The following MRPS6 variants were observed in gnomAD, a reference collection of about 807,000 sequenced individuals.
MRPS6 encodes the protein mitochondrial ribosomal protein S6.
In MRPS6, 6 loss-of-function variants were observed where a neutral mutation model predicts 13.1. The ratio of observed to expected loss-of-function variants is 0.46; its 90% confidence interval spans 0.25 to 0.91. The LOEUF is 0.91. MRPS6 is among the 40% of genes least tolerant of loss of function. MRPS6 has a pLI of 0.18. For synonymous variants in MRPS6, 61 were observed against 56.5 expected, an observed-to-expected ratio of 1.08 and a Z score of -0.36; for missense variants, 164 against 155.6, an observed-to-expected ratio of 1.05 and a Z score of -0.29.
intron 2 of MRPS6, among the ~76,000 whole-genome samples, chr21:34,126,761 C>T (rs948690786): frequency 1.3e-5 from 2 of 152,174 alleles, no homozygotes; most frequent in East Asian, 3.8e-4. Context: ...TTTCTCCACT[C>T]ATGTAGTACT....
At chr21:34,134,680 A>T (rs1980624894) in intron 2 of MRPS6, among the ~76,000 whole-genome samples, 1 of 151,946 alleles carries the variant, frequency 6.6e-6, no homozygotes, top group South Asian at 2.1e-4. Flanking sequence ...CCAAGCAACC[A>T]CTGATCTTTT....
At chr21:34,123,619 T>C (rs1414883420) in intron 1 of MRPS6, 1 of 152,088 alleles carries the variant, frequency 6.6e-6, no homozygotes, top group Non-Finnish European at 1.5e-5. Context: ...CAGTAAATCA[T>C]AGCTGTCATC....
intron 2 of MRPS6, among the ~76,000 whole-genome samples, chr21:34,139,026 G>A (rs1372339567): frequency 1.3e-5 from 2 of 151,946 alleles, no homozygotes; most frequent in Non-Finnish European, 2.9e-5. Flanking sequence ...ATGAGTTCAT[G>A]TCCTTTGTAG....
rs150889597 is a variant in MRPS6 at position 34,140,283 on chromosome 21, C to G, written c.186-2125C>G. Among the ~76,000 whole-genome samples, 258 of 151,926 alleles carry G rather than the reference C, an allele frequency of 1.7e-3. 2 individuals are homozygous for G. The highest frequency in any genetic ancestry group is 6.0e-3 in the African/African-American group (249 of 41,434). ...TGAATTTCCTGACAAGTATTGCTTT[C>G]ATGGCATCCCCCAAATTTTGATTTG... On this transcript the variant is annotated intron_variant, in intron 2 of 2. Transcript: ENST00000399312.
intron 2 of MRPS6, among the ~76,000 whole-genome samples, chr21:34,132,860 G>C (rs1010285217): frequency 3.3e-5 from 5 of 152,186 alleles, no homozygotes; most frequent in African/African-American, 1.2e-4. Flanking sequence ...CAAAAGACCT[G>C]CTCTGTTTGA....
chr21:34,142,376 G>A, intron 2 of MRPS6, 32 bp from the exon 3 acceptor site: 1 of 1,542,216 alleles, frequency 6.5e-7, no homozygotes, highest in East Asian at 2.3e-5. Flanking sequence ...CAATTCAAAT[G>A]CAGACACTCA....
At position 34,096,215 on chromosome 21, in the gene MRPS6, G is replaced by A. The variant is rs1978957904; in HGVS notation, c.45+22470G>A. On this transcript the variant is annotated intron_variant, in intron 1 of 2. Coordinates refer to ENST00000399312, the MANE Select transcript of MRPS6 (RefSeq NM_032476.4). This position sits in a 1 kb window ranked among gnomAD's most constrained non-coding sequence, Gnocchi z 5.9. Reference sequence around the variant, plus strand: ...TCAACCCAGAGCACTGCATGCTGGTGTGTGGAAGCAGAGCTGGTTGCTCCA... The same window carrying A: ...TCAACCCAGAGCACTGCATGCTGGTATGTGGAAGCAGAGCTGGTTGCTCCA... 2 of 1,614,054 alleles carry A rather than the reference G, an allele frequency of 1.2e-6. No homozygotes were observed. Among genetic ancestry groups the A allele is most frequent in the Admixed American group, 1.7e-5 (1 of 60,010 alleles).
At chr21:34,114,174 A>G (rs1396687410) in intron 1 of MRPS6, among the ~76,000 whole-genome samples, 2 of 152,160 alleles carry the variant, frequency 1.3e-5, no homozygotes, top group Non-Finnish European at 2.9e-5. Context: ...AGGATCATGG[A>G]CTTTAAAATG....
chr21:34,098,952 A>G (rs769243218), intron 1 of MRPS6: 8 of 987,066 alleles, frequency 8.1e-6, no homozygotes, highest in Non-Finnish European at 9.8e-6. Flanking sequence ...TAGGGAAATT[A>G]CTTTCATAAA....
chr21:34,091,501 G>T (rs1255748999), intron 1 of MRPS6, among the ~76,000 whole-genome samples: 1 of 151,946 alleles, frequency 6.6e-6, no homozygotes, highest in Non-Finnish European at 1.5e-5. Flanking sequence ...ATTACATTTT[G>T]GTTAACATGG....
At chr21:34,078,630 G>T (rs1359573424) in intron 1 of MRPS6, among the ~76,000 whole-genome samples, 1 of 152,104 alleles carries the variant, frequency 6.6e-6, no homozygotes, top group Non-Finnish European at 1.5e-5. Context: ...GAGTTCAAAA[G>T]CAATGACGGG....
At chr21:34,126,144 G>T (rs1038267998) in intron 2 of MRPS6, among the ~76,000 whole-genome samples, 3 of 152,094 alleles carry the variant, frequency 2.0e-5, no homozygotes, top group Non-Finnish European at 4.4e-5. Flanking sequence ...GGTAGGAAAA[G>T]TCCAAGAGTA....
intron 1 of MRPS6, among the ~76,000 whole-genome samples, chr21:34,090,711 ACTTATTC>A (rs1441562222): frequency 6.6e-6 from 1 of 152,168 alleles, no homozygotes; most frequent in African/African-American, 2.4e-5. Flanking sequence ...TTTCTCTGTT[ACTTATTC>A]CTTATAAATC....
At chr21:34,074,195 C>CCCGCCGGCTG (rs1569410610) in intron 1 of MRPS6, among the ~76,000 whole-genome samples, 1 of 150,332 alleles carries the variant, frequency 6.7e-6, no homozygotes, top group Non-Finnish European at 1.5e-5. Context: ...CGCTCCGCCG[C>CCCGCCGGCTG]CCGCCGGCTG....
At chr21:34,111,659 T>C (rs1979704457) in intron 1 of MRPS6, among the ~76,000 whole-genome samples, 1 of 152,148 alleles carries the variant, frequency 6.6e-6, no homozygotes, top group Non-Finnish European at 1.5e-5. Flanking sequence ...GTTTCAGTAA[T>C]TGAGGAGAGA....
intron 1 of MRPS6, chr21:34,123,690 T>G (rs1230031391): frequency 6.6e-6 from 1 of 152,178 alleles, no homozygotes; most frequent in Non-Finnish European, 1.5e-5. Context: ...CCTTTTTGAC[T>G]ACCAACTTGC....
chr21:34,103,591 A>T, intron 1 of MRPS6: 1 of 1,000,242 alleles, frequency 1.0e-6, no homozygotes, highest in Non-Finnish European at 1.2e-6. Context: ...GTGTTCACAC[A>T]TTAGTGTACC....
At chr21:34,111,848 T>G (rs1055695234) in intron 1 of MRPS6, among the ~76,000 whole-genome samples, 6 of 147,992 alleles carry the variant, frequency 4.1e-5, no homozygotes, top group Non-Finnish European at 8.9e-5. Context: ...AGTTGAGGTT[T>G]TTTTTTTTTT....
At chr21:34,112,489 C>T (rs1353078545) in intron 1 of MRPS6, among the ~76,000 whole-genome samples, 1 of 152,094 alleles carries the variant, frequency 6.6e-6, no homozygotes, top group African/African-American at 2.4e-5. Context: ...GTGTACAATC[C>T]AGTGGTTTTT....
Sources: gnomAD v4.1 joint callset for allele counts (sites outside exome capture counted in the v4.1 genomes callset) on GRCh38, gnomAD v4.1.1 for gene constraint, Gnocchi (gnomAD v3.1) non-coding constraint, MANE v1.5 for transcripts, NCBI Gene and HGNC (gene_info 2026-07-23, HGNC 2026-07-21) for gene names.